HIPK1: variants seen among roughly 807,000 people sequenced by gnomAD.
HIPK1 encodes the protein homeodomain interacting protein kinase 1.
Under a neutral mutation model 117.1 loss-of-function variants are expected in HIPK1, and 28 were observed. That is an observed-to-expected ratio of 0.24 (90% CI 0.18 to 0.33). HIPK1 has a LOEUF of 0.33. HIPK1 is among the 10% of genes least tolerant of loss of function. HIPK1 has a pLI of 1.00. For missense variants in HIPK1, 1,122 were observed against 1,475.1 expected, an observed-to-expected ratio of 0.76 and a Z score of 3.92; for synonymous variants, 605 against 562.5, an observed-to-expected ratio of 1.08 and a Z score of -1.07.
chr1:113,969,461 G>C (rs11102709), intron 13 of HIPK1, among the ~76,000 whole-genome samples: 36,030 of 152,066 alleles, frequency 0.24, 4,348 homozygotes, highest in East Asian at 0.25. Flanking sequence ...TTGTTGTAAG[G>C]ATTCAGTGAG....
intron 8 of HIPK1, among the ~76,000 whole-genome samples, chr1:113,960,822 G>A (rs1210756055): frequency 6.6e-6 from 1 of 152,020 alleles, no homozygotes; most frequent in African/African-American, 2.4e-5. Flanking sequence ...TTGCTGGATT[G>A]TATTTTTCTT....
At chr1:113,966,434 A>G (rs1274707653) in intron 11 of HIPK1, among the ~76,000 whole-genome samples, 162 bp downstream of exon 11, 13 of 152,204 alleles carry the variant, frequency 8.5e-5, no homozygotes, top group Non-Finnish European at 7.3e-5. Flanking sequence ...GTTATAAGAA[A>G]ACTTTGAATA....
In HIPK1 at chr1:113,938,939, CA is replaced by C. The variant is rs1670450001; in HGVS notation, c.-2-1442del. 2.5e-5 allele frequency among the ~76,000 whole-genome samples: 2 copies of C among 78,706 alleles called. 1 individual carries two copies. Among genetic ancestry groups the C allele is most frequent in the African/African-American group, 9.7e-5 (2 of 20,694 alleles). 51.6% of individuals were successfully genotyped at this position (78,706 alleles called of 152,430 possible). On this transcript the variant is annotated intron_variant, in intron 1 of 15. Transcript: ENST00000426820. ...AAAAAAAAAAAAAAATACACACACA[CA>C]CACACACACACACACACACACACTT...
intron 2 of HIPK1, 40 bp from the exon 3 acceptor site, chr1:113,952,725 TG>T (rs1671448816): frequency 8.4e-6 from 11 of 1,313,362 alleles, no homozygotes; most frequent in East Asian, 5.4e-5. Flanking sequence ...TCCCAAATAA[TG>T]TTTTTTTTTT....
intron 2 of HIPK1, among the ~76,000 whole-genome samples, chr1:113,942,939 A>T (rs1035927159): frequency 1.4e-4 from 21 of 152,262 alleles, no homozygotes; most frequent in Non-Finnish European, 2.5e-4. Flanking sequence ...AAGGAGCTAT[A>T]CATGCCAGAT....
intron 8 of HIPK1, among the ~76,000 whole-genome samples, chr1:113,961,678 G>A (rs1418294634): frequency 1.3e-5 from 2 of 152,076 alleles, no homozygotes; most frequent in East Asian, 3.8e-4. Context: ...GGGCACAGTG[G>A]CTCACACCTG....
At chr1:113,929,732 G>A in intron 1 of HIPK1, 200 bp downstream of exon 1, 1 of 873,428 alleles carries the variant, frequency 1.1e-6, no homozygotes, top group Non-Finnish European at 1.4e-6. Flanking sequence ...GCGGCGGCGG[G>A]AAGGGGCTGG....
rs201785808 is a variant in HIPK1 at position 113,973,347 on chromosome 1, C to T, written c.3468C>T (p.Val1156=). 1 of 1,614,166 alleles carries T rather than the reference C, an allele frequency of 6.2e-7. No individual in the cohort carries two copies. The highest frequency in any genetic ancestry group is 8.5e-7 in the Non-Finnish European group (1 of 1,180,030). Residue 1156 remains valine (V), a synonymous_variant, in exon 16 of 16, where the codon GTC becomes GTT. Coordinates refer to ENST00000426820, the MANE Select transcript of HIPK1 (RefSeq NM_198268.3). ...TTHPSTLVHQ[V]PVSVGPSLLT... is the part of the protein sequence containing the mutation. Reference sequence around the variant, plus strand: ...ACCCTAGCACTTTGGTGCACCAGGTCCCTGTCAGTGTTGGGCCCAGCCTCC... The same window carrying T: ...ACCCTAGCACTTTGGTGCACCAGGTTCCTGTCAGTGTTGGGCCCAGCCTCC...
chr1:113,946,090 C>T (rs1365642473), intron 2 of HIPK1, among the ~76,000 whole-genome samples: 1 of 152,156 alleles, frequency 6.6e-6, no homozygotes, highest in Non-Finnish European at 1.5e-5. Context: ...CCTTGGCTAA[C>T]TTTAAGAATG....
chr1:113,964,328 A>G (rs1396631698), intron 10 of HIPK1, among the ~76,000 whole-genome samples: 12 of 152,250 alleles, frequency 7.9e-5, no homozygotes, highest in Admixed American at 7.8e-4. Flanking sequence ...GTCATGGGGA[A>G]TAGTTACTTA....
chr1:113,969,024 C>T (rs907490933), intron 13 of HIPK1, among the ~76,000 whole-genome samples: 1 of 151,966 alleles, frequency 6.6e-6, no homozygotes, highest in African/African-American at 2.4e-5. Context: ...CATCCCCTCC[C>T]GCCCCCACCC....
chr1:113,934,989 CAAAAAA>C (rs752015521), intron 1 of HIPK1, among the ~76,000 whole-genome samples: 2 of 67,758 alleles, frequency 3.0e-5, no homozygotes, highest in African/African-American at 5.8e-5. Context: ...GAACCTGTCT[CAAAAAA>C]AAAAAAAAAA....
chr1:113,948,190 C>T (rs966958404), intron 2 of HIPK1, among the ~76,000 whole-genome samples: 5 of 152,138 alleles, frequency 3.3e-5, no homozygotes, highest in African/African-American at 9.7e-5. Context: ...CTTTTTGCTT[C>T]GTAGAGTTTG....
intron 3 of HIPK1, 66 bp from the exon 4 acceptor site, chr1:113,954,585 G>GTGTAA (rs1464371579): frequency 1.3e-6 from 2 of 1,553,494 alleles, no homozygotes; most frequent in Admixed American, 1.8e-5. Context: ...TGATGTTTTA[G>GTGTAA]TGTAAAAGCC....
At chr1:113,942,887 G>A (rs1002619431) in intron 2 of HIPK1, among the ~76,000 whole-genome samples, 12 of 152,184 alleles carry the variant, frequency 7.9e-5, no homozygotes, top group Admixed American at 2.6e-4. Flanking sequence ...CAATCAAGAA[G>A]TGAAATAATA....
chr1:113,929,638 C>G (rs901834801), intron 1 of HIPK1, 106 bp downstream of exon 1: 3 of 1,051,654 alleles, frequency 2.9e-6, no homozygotes, highest in Admixed American at 5.2e-5. Context: ...GCGACAACGG[C>G]GGCTGCGGAG....
chr1:113,966,018 C>T (rs1021487244), intron 10 of HIPK1, 112 bp from the exon 11 acceptor site: 1 of 1,041,986 alleles, frequency 9.6e-7, no homozygotes, highest in Non-Finnish European at 1.4e-6. Context: ...TGCAAGTTAA[C>T]AATCTACAAG....
At chr1:113,971,989 C>T (rs1160481398) in intron 15 of HIPK1, 35 bp downstream of exon 15, 2 of 1,612,918 alleles carry the variant, frequency 1.2e-6, no homozygotes, top group East Asian at 2.2e-5. Flanking sequence ...CTGTTTGGGC[C>T]CTGCACTGTT....
chr1:113,944,471 G>GT (rs1181451765), intron 2 of HIPK1, among the ~76,000 whole-genome samples: 7 of 142,824 alleles, frequency 4.9e-5, no homozygotes, highest in East Asian at 4.2e-4. Flanking sequence ...GCCAATAATA[G>GT]TTTTTTTTTG....
Sources: allele counts gnomAD v4.1 joint callset (sites outside exome capture counted in the v4.1 genomes callset), GRCh38; gene constraint gnomAD v4.1.1; transcripts MANE v1.5; gene names NCBI Gene and HGNC (gene_info 2026-07-23, HGNC 2026-07-21).